Variants in GABRB3 observed in about 807,000 individuals in gnomAD.
The protein encoded by GABRB3 is gamma-aminobutyric acid type A receptor subunit beta3, also known as gamma-aminobutyric acid receptor subunit beta-3.
A neutral mutation model predicts 52.1 loss-of-function variants in GABRB3; 14 were observed. The ratio of observed to expected loss-of-function variants is 0.27; its 90% confidence interval spans 0.18 to 0.42. GABRB3 has a LOEUF of 0.42. Among genes scored for constraint, GABRB3 ranks in the 10% least tolerant of loss-of-function variants. The probability of loss-of-function intolerance (pLI) is 1.00; values close to 1 mark genes in which losing one functional copy is unlikely to be tolerated. For missense variants in GABRB3, 307 were observed against 609.1 expected (o/e 0.50, Z 5.22); for synonymous variants, 260 against 232.3 (o/e 1.12, Z -1.08).
At chr15:26,687,467 G>A (rs1277443585) in intron 3 of GABRB3, among the ~76,000 whole-genome samples, 1 of 152,002 alleles carries the variant, frequency 6.6e-6, no homozygotes, top group Non-Finnish European at 1.5e-5. Context: ...GACACATCTC[G>A]ACATCATGCT....
intron 3 of GABRB3, among the ~76,000 whole-genome samples, chr15:26,759,045 G>A (rs923503430): frequency 3.3e-5 from 5 of 152,058 alleles, no homozygotes; most frequent in South Asian, 4.1e-4. Context: ...AATCCTGACT[G>A]GGTAGTTTCC....
At chr15:26,581,795 C>CACT (rs1890800736) in intron 5 of GABRB3, among the ~76,000 whole-genome samples, 1 of 152,212 alleles carries the variant, frequency 6.6e-6, no homozygotes, top group South Asian at 2.1e-4. Flanking sequence ...CGCAATCACT[C>CACT]ACTATGCTTT....
intron 3 of GABRB3, among the ~76,000 whole-genome samples, chr15:26,690,530 C>T (rs1199576672): frequency 6.6e-6 from 1 of 151,970 alleles, no homozygotes; most frequent in Non-Finnish European, 1.5e-5. Context: ...TCAGCCCTGG[C>T]CTGTTGGTGT....
At chr15:26,667,699 C>T (rs1046953258) in intron 3 of GABRB3, among the ~76,000 whole-genome samples, 3 of 152,136 alleles carry the variant, frequency 2.0e-5, no homozygotes, top group East Asian at 1.9e-4. Context: ...ATCTCCAGAC[C>T]GGCAGTATCA....
intron 4 of GABRB3, chr15:26,590,205 C>T (rs1057095664): frequency 6.6e-6 from 1 of 151,986 alleles, no homozygotes; most frequent in Non-Finnish European, 1.5e-5. Flanking sequence ...GCGAAGACCA[C>T]ATGAAATGCC....
chr15:26,641,064 C>T (rs919699829), intron 3 of GABRB3, among the ~76,000 whole-genome samples: 1 of 152,174 alleles, frequency 6.6e-6, no homozygotes, highest in African/African-American at 2.4e-5. Flanking sequence ...TATGCCCTGG[C>T]TCAAAATCCA....
intron 3 of GABRB3, among the ~76,000 whole-genome samples, chr15:26,688,915 A>T (rs754660): frequency 0.13 from 20,226 of 152,190 alleles, 2,268 homozygotes; most frequent in African/African-American, 0.31. Context: ...GCTCCTCTTT[A>T]TTCTGGTTTC....
At chr15:26,773,387 G>A (rs1232973914), upstream of GABRB3, among the ~76,000 whole-genome samples, 2 of 150,990 alleles carry the variant, frequency 1.3e-5, no homozygotes, top group African/African-American at 2.4e-5. Flanking sequence ...GGAGGGGCGG[G>A]GGGTCGTCCC....
At chr15:26,707,627 C>A (rs1278446719) in intron 3 of GABRB3, among the ~76,000 whole-genome samples, 1 of 152,172 alleles carries the variant, frequency 6.6e-6, no homozygotes, top group East Asian at 1.9e-4. Flanking sequence ...CATTGCCACA[C>A]AGAGCAAGAC....
At position 26,628,178 on chromosome 15, in the gene GABRB3, C is replaced by A. The variant is rs535457307; in HGVS notation, c.241-6644G>T. Among the ~76,000 whole-genome samples the A allele has an allele frequency of 7.3e-4, 111 of 152,360 alleles. 1 individual carries two copies. The highest frequency in any genetic ancestry group is 1.4e-3 in the Non-Finnish European group (93 of 68,042). On this transcript the variant is annotated intron_variant, in intron 3 of 8. Transcript: ENST00000311550. Reference sequence around the variant, plus strand: ...AGACTACAATGTAGTATAAACATAACTTTTATATATCTTGGGAAACCAAAA... The same window carrying A: ...AGACTACAATGTAGTATAAACATAAATTTTATATATCTTGGGAAACCAAAA...
intron 3 of GABRB3, among the ~76,000 whole-genome samples, chr15:26,654,271 G>A (rs939727567): frequency 3.9e-5 from 6 of 152,064 alleles, no homozygotes; most frequent in Non-Finnish European, 8.8e-5. Flanking sequence ...TCAGCCTCCC[G>A]AGTAGCTGGG....
At chr15:26,561,292 T>C (rs1889976154) in intron 7 of GABRB3, 116 bp from the exon 8 acceptor site, 2 of 1,411,618 alleles carry the variant, frequency 1.4e-6, no homozygotes, top group Admixed American at 1.7e-5. Flanking sequence ...AGGGGTTGAA[T>C]ACTGTGGGGT....
chr15:26,747,521 A>G (rs1301336180), intron 3 of GABRB3, among the ~76,000 whole-genome samples: 1 of 152,206 alleles, frequency 6.6e-6, no homozygotes, highest in Non-Finnish European at 1.5e-5. Context: ...CAGTTCCCAC[A>G]TATTTGTTGT....
At chr15:26,751,811 T>A (rs1304280099) in intron 3 of GABRB3, among the ~76,000 whole-genome samples, 1 of 151,998 alleles carries the variant, frequency 6.6e-6, no homozygotes, top group Non-Finnish European at 1.5e-5. Context: ...AGATTTTTAT[T>A]TTTTAGGAAA....
At chr15:26,644,334 A>G (rs1230103402) in intron 3 of GABRB3, among the ~76,000 whole-genome samples, 1 of 152,162 alleles carries the variant, frequency 6.6e-6, no homozygotes, top group Non-Finnish European at 1.5e-5. Context: ...GTTTACAGAG[A>G]TGATTAAATT....
At chr15:26,710,930 G>A (rs967674033) in intron 3 of GABRB3, among the ~76,000 whole-genome samples, 13 of 148,306 alleles carry the variant, frequency 8.8e-5, no homozygotes, top group African/African-American at 3.0e-4. Flanking sequence ...CAGTTCTCCT[G>A]GGAGACTGTT....
At chr15:26,585,469 G>C (rs1284067368) in intron 4 of GABRB3, among the ~76,000 whole-genome samples, 2 of 151,588 alleles carry the variant, frequency 1.3e-5, no homozygotes, top group East Asian at 3.9e-4. Flanking sequence ...TGATGGACTT[G>C]TGTCATTTAC....
intron 4 of GABRB3, among the ~76,000 whole-genome samples, chr15:26,583,651 T>G (rs1189048981): frequency 1.3e-5 from 2 of 152,128 alleles, no homozygotes; most frequent in East Asian, 3.9e-4. Flanking sequence ...TTATATATTT[T>G]TAATCATTTA....
intron 3 of GABRB3, among the ~76,000 whole-genome samples, chr15:26,706,390 C>A (rs1176866587): frequency 6.6e-6 from 1 of 150,918 alleles, no homozygotes; most frequent in Non-Finnish European, 1.5e-5. Context: ...CTGTTATTTT[C>A]AAAAACCTAG....
Sources: gnomAD v4.1 joint callset for allele counts (sites outside exome capture counted in the v4.1 genomes callset) on GRCh38, gnomAD v4.1.1 for gene constraint, MANE v1.5 for transcripts, NCBI Gene and HGNC (gene_info 2026-07-23, HGNC 2026-07-21) for gene names.